The following KCNH8 variants were observed in gnomAD, a reference collection of about 807,000 sequenced individuals.
KCNH8 encodes the protein potassium voltage-gated channel subfamily H member 8.
Under a neutral mutation model 103.6 loss-of-function variants are expected in KCNH8, and 70 were observed. The ratio of observed to expected loss-of-function variants is 0.68; its 90% CI spans 0.56 to 0.82. The LOEUF (loss-of-function observed/expected upper bound fraction) is 0.82, where lower values mean the gene tolerates loss of function less well. KCNH8 is among the 40% of genes least tolerant of loss of function. The pLI is 0.00. For missense variants in KCNH8, 1,217 were observed against 1,329.9 expected (o/e 0.92, Z 1.32); for synonymous variants, 498 against 489.4 (o/e 1.02, Z -0.23).
At chr3:19,259,837 T>TCCC (rs754649178) in intron 2 of KCNH8, among the ~76,000 whole-genome samples, 21 of 151,686 alleles carry the variant, frequency 1.4e-4, no homozygotes, top group Non-Finnish European at 2.2e-4. Context: ...TATTTATAAT[T>TCCC]AACTGCCTTT....
rs544207881 is a variant in KCNH8, at chr3:19,376,705, G to C, written c.812-13776G>C. Among the ~76,000 whole-genome samples the C allele has an allele frequency of 1.6e-4, 24 of 152,280 alleles. No individual in the cohort carries two copies. The South Asian group carries it at 4.8e-3, about 30-fold the overall frequency. On this transcript the variant is annotated intron_variant, in intron 5 of 15. Coordinates refer to ENST00000328405, the MANE Select transcript of KCNH8 (RefSeq NM_144633.3). ...GGTTTCCATGGAAATCAGTAATTTT[G>C]GTGCTATTTCTTTGGAGGAAGCTTT... is the stretch of plus-strand genomic sequence containing the variant.
intron 4 of KCNH8, among the ~76,000 whole-genome samples, chr3:19,346,450 G>A (rs767628551): frequency 6.6e-6 from 1 of 152,060 alleles, no homozygotes; most frequent in Non-Finnish European, 1.5e-5. Flanking sequence ...GACCCACCAC[G>A]AAGTACTGAC....
chr3:19,355,373 C>A (rs1293303141), intron 5 of KCNH8, among the ~76,000 whole-genome samples: 4 of 152,098 alleles, frequency 2.6e-5, no homozygotes, highest in African/African-American at 9.7e-5. Flanking sequence ...CCCAGCCATC[C>A]CATTACTGGG....
At chr3:19,432,339 A>T (rs143702918) in intron 7 of KCNH8, among the ~76,000 whole-genome samples, 85 of 152,270 alleles carry the variant, frequency 5.6e-4, no homozygotes, top group African/African-American at 1.9e-3. Flanking sequence ...AACTACCAAA[A>T]ACAGTTGAGA....
chr3:19,427,383 G>C (rs1191818116), intron 7 of KCNH8, among the ~76,000 whole-genome samples: 1 of 152,210 alleles, frequency 6.6e-6, no homozygotes, highest in Non-Finnish European at 1.5e-5. Flanking sequence ...TAAACAGATA[G>C]TTGGTGTCTG....
At chr3:19,497,308 G>C (rs767900472) in intron 11 of KCNH8, among the ~76,000 whole-genome samples, 2 of 151,890 alleles carry the variant, frequency 1.3e-5, no homozygotes, top group Non-Finnish European at 2.9e-5. Flanking sequence ...GTTTGCTCTT[G>C]CTTCTCTAGT....
intron 4 of KCNH8, among the ~76,000 whole-genome samples, chr3:19,344,284 G>A (rs184748713): frequency 6.6e-6 from 1 of 152,178 alleles, no homozygotes; most frequent in Non-Finnish European, 1.5e-5. Flanking sequence ...GCTGAAAGCT[G>A]ACACTGTCTA....
chr3:19,422,236 T>C (rs550362469), intron 7 of KCNH8, among the ~76,000 whole-genome samples: 1 of 152,240 alleles, frequency 6.6e-6, no homozygotes, highest in East Asian at 1.9e-4. Context: ...ATCATGGTAT[T>C]TTAACATTTG....
At chr3:19,302,000 T>G (rs1457149165) in intron 3 of KCNH8, among the ~76,000 whole-genome samples, 1 of 152,220 alleles carries the variant, frequency 6.6e-6, no homozygotes, top group East Asian at 1.9e-4. Flanking sequence ...TCGTGGCACA[T>G]GGATATATTC....
At chr3:19,209,986 A>C (rs760618253) in intron 1 of KCNH8, among the ~76,000 whole-genome samples, 3 of 152,088 alleles carry the variant, frequency 2.0e-5, no homozygotes, top group Non-Finnish European at 4.4e-5. Flanking sequence ...AGAGGCCTGC[A>C]TTTCAGAGTT....
chr3:19,259,264 A>C (rs2064396082), intron 2 of KCNH8, among the ~76,000 whole-genome samples: 2 of 151,680 alleles, frequency 1.3e-5, no homozygotes, highest in Non-Finnish European at 2.9e-5. Context: ...AAACTAAGCC[A>C]CTACCATGAA....
chr3:19,150,948 A>G (rs2063122867), intron 1 of KCNH8, among the ~76,000 whole-genome samples: 1 of 151,244 alleles, frequency 6.6e-6, no homozygotes, highest in South Asian at 2.1e-4. Flanking sequence ...TTTAGTGAAC[A>G]CCTCTCCTCC....
At chr3:19,394,334 AT>A (rs2066482399) in intron 6 of KCNH8, among the ~76,000 whole-genome samples, 1 of 151,962 alleles carries the variant, frequency 6.6e-6, no homozygotes, top group African/African-American at 2.4e-5. Flanking sequence ...AATGATACAT[AT>A]TTTTCAATTG....
chr3:19,392,647 C>T (rs2066456043), intron 6 of KCNH8, among the ~76,000 whole-genome samples: 1 of 152,026 alleles, frequency 6.6e-6, no homozygotes, highest in Admixed American at 6.6e-5. Flanking sequence ...AATGCATCTC[C>T]ATAGGTGACA....
chr3:19,361,782 A>G (rs1253663992), intron 5 of KCNH8, among the ~76,000 whole-genome samples: 1 of 152,148 alleles, frequency 6.6e-6, no homozygotes, highest in Non-Finnish European at 1.5e-5. Context: ...TTATTAACCA[A>G]TACTTCTATT....
chr3:19,169,317 G>A (rs561275556), intron 1 of KCNH8, among the ~76,000 whole-genome samples: 1 of 142,766 alleles, frequency 7.0e-6, no homozygotes, highest in African/African-American at 2.6e-5. Context: ...GGAGTGCAGT[G>A]GCGCGATCTT....
At chr3:19,469,941 G>T (rs2125201740) in intron 11 of KCNH8, among the ~76,000 whole-genome samples, 1 of 152,128 alleles carries the variant, frequency 6.6e-6, no homozygotes, top group South Asian at 2.1e-4. Flanking sequence ...GACTCCACTG[G>T]AGTCCAAGGT....
At chr3:19,353,780 C>G (rs12635216) in intron 5 of KCNH8, among the ~76,000 whole-genome samples, 14,591 of 152,126 alleles carry the variant, frequency 0.096, 831 homozygotes, top group East Asian at 0.17. Flanking sequence ...CAATATCATA[C>G]TGAATGGGCA....
chr3:19,207,111 G>A (rs1378264166), intron 1 of KCNH8, among the ~76,000 whole-genome samples: 2 of 151,892 alleles, frequency 1.3e-5, no homozygotes, highest in African/African-American at 2.4e-5. Context: ...GAGGTGTGTA[G>A]AAAAGCAAAA....
Sources: gnomAD v4.1 joint callset for allele counts (sites outside exome capture counted in the v4.1 genomes callset) on GRCh38, gnomAD v4.1.1 for gene constraint, MANE v1.5 for transcripts, NCBI Gene and HGNC (gene_info 2026-07-23, HGNC 2026-07-21) for gene names.